The following KTN1 variants were observed in gnomAD, a reference collection of about 807,000 sequenced individuals.
KTN1 encodes kinectin 1.
Under a neutral mutation model 222.5 loss-of-function variants are expected in KTN1, and 130 were observed. The ratio of observed to expected loss-of-function variants is 0.58; its 90% CI spans 0.51 to 0.68. The LOEUF is 0.68. Among genes scored for constraint, KTN1 ranks in the 30% least tolerant of loss-of-function variants. KTN1 has a pLI of 0.00. For synonymous variants in KTN1, 512 were observed against 496.3 expected (o/e 1.03, Z -0.42); for missense variants, 1,508 against 1,500.4 (o/e 1.01, Z -0.08).
At chr14:55,588,683 T>C (rs1438849432) in intron 1 of KTN1, among the ~76,000 whole-genome samples, 2 of 152,228 alleles carry the variant, frequency 1.3e-5, no homozygotes, top group Non-Finnish European at 2.9e-5. Context: ...GTTAATTTTA[T>C]GCAGTTGTGA....
At chr14:55,612,631 A>G (rs2037756457) in intron 2 of KTN1, 60 bp downstream of exon 2, 1 of 1,364,778 alleles carries the variant, frequency 7.3e-7, no homozygotes, top group Admixed American at 2.4e-5. Context: ...TGGAATTGAG[A>G]TATTCTGTTA....
chr14:55,611,981 C>CA (rs561308316), intron 1 of KTN1, 38 bp from the exon 2 acceptor site: 18 of 768,924 alleles, frequency 2.3e-5, no homozygotes, highest in Non-Finnish European at 3.3e-5. Context: ...CTGACAGGTT[C>CA]TTTTTTTTTT....
intron 1 of KTN1, among the ~76,000 whole-genome samples, chr14:55,586,189 C>T (rs1400076259): frequency 2.0e-5 from 3 of 152,130 alleles, no homozygotes; most frequent in African/African-American, 7.2e-5. Flanking sequence ...TCTTTAATTA[C>T]ATAATGTTCT....
At chr14:55,664,714 C>T (rs1057269619) in intron 33 of KTN1, among the ~76,000 whole-genome samples, 1 of 152,048 alleles carries the variant, frequency 6.6e-6, no homozygotes, top group Non-Finnish European at 1.5e-5. Flanking sequence ...TCAAGTTGTA[C>T]CATTGGGTGT....
At position 55,640,979 on chromosome 14, in the gene KTN1, AGTATT is replaced by A; in HGVS notation, c.2021+13_2021+17del. On this transcript the variant is annotated intron_variant, in intron 16 of 43. Coordinates refer to ENST00000395314, the MANE Select transcript of KTN1 (RefSeq NM_001079521.2). The stretch of plus-strand genomic sequence containing the variant: ...GAGAAGATGCAACAAAGGTGACTAA[AGTATT>A]GTACATCTAGTCGTTCATACATTTA... 1 of 1,603,820 alleles carries A rather than the reference AGTATT, an allele frequency of 6.2e-7. No individual in the cohort carries two copies.
At chr14:55,632,471 T>G (rs2040638556) in intron 7 of KTN1, among the ~76,000 whole-genome samples, 1 of 152,198 alleles carries the variant, frequency 6.6e-6, no homozygotes, top group South Asian at 2.1e-4. Context: ...CTTTAGATTC[T>G]TTAATCCAAA....
chr14:55,606,616 T>C (rs1185264187), intron 1 of KTN1, among the ~76,000 whole-genome samples: 1 of 152,174 alleles, frequency 6.6e-6, no homozygotes, highest in African/African-American at 2.4e-5. Flanking sequence ...TAATTCAAAA[T>C]TGTTGTATTA....
intron 30 of KTN1, among the ~76,000 whole-genome samples, chr14:55,659,131 T>C (rs1291329047): frequency 6.6e-6 from 1 of 152,148 alleles, no homozygotes; most frequent in East Asian, 1.9e-4. Context: ...ATAGACTTGA[T>C]AGTATTTTGA....
rs1399666607 is a variant in KTN1, at chr14:55,669,833, T to C, written c.3268-896T>C. Among the ~76,000 whole-genome samples the C allele has an allele frequency of 2.0e-5, 3 of 152,118 alleles. No homozygotes were observed. In the East Asian group the frequency reaches 5.8e-4, roughly 29 times the overall value. Reference sequence around the variant, plus strand: ...CAGCATCTACTTTTGTTTTTTGTTATTTGATAGTTTCCAGAGAATCCTGAT... The same window carrying C: ...CAGCATCTACTTTTGTTTTTTGTTACTTGATAGTTTCCAGAGAATCCTGAT... On this transcript the variant is annotated intron_variant, in intron 34 of 43. Transcript: ENST00000395314.
intron 5 of KTN1, among the ~76,000 whole-genome samples, chr14:55,621,349 G>C (rs373555731): frequency 6.6e-6 from 1 of 152,052 alleles, no homozygotes; most frequent in Non-Finnish European, 1.5e-5. Context: ...ACATTTTCGG[G>C]TATCTTTACA....
chr14:55,644,104 G>A (rs1566783234), intron 18 of KTN1, among the ~76,000 whole-genome samples: 1 of 152,140 alleles, frequency 6.6e-6, no homozygotes, highest in African/African-American at 2.4e-5. Context: ...TGAGGTTTTG[G>A]TTATAGTTGA....
At chr14:55,663,835 C>T in intron 32 of KTN1, 120 bp from the exon 33 acceptor site, 3 of 618,498 alleles carry the variant, frequency 4.9e-6, no homozygotes, top group East Asian at 2.9e-5. Context: ...GCATATTTTC[C>T]CATTGAAATA....
At chr14:55,592,935 C>T (rs2034387394) in intron 1 of KTN1, among the ~76,000 whole-genome samples, 1 of 152,026 alleles carries the variant, frequency 6.6e-6, no homozygotes, top group Non-Finnish European at 1.5e-5. Context: ...TTTTGCTAGA[C>T]CTGTCTTGGA....
intron 1 of KTN1, among the ~76,000 whole-genome samples, chr14:55,588,206 TAAAG>T (rs1439994613): frequency 4.6e-5 from 7 of 152,144 alleles, no homozygotes; most frequent in African/African-American, 1.7e-4. Context: ...ATAATAAAGC[TAAAG>T]AAAAGAAAAT....
At chr14:55,592,367 A>G (rs1309054065) in intron 1 of KTN1, among the ~76,000 whole-genome samples, 3 of 152,236 alleles carry the variant, frequency 2.0e-5, no homozygotes, top group East Asian at 3.8e-4. Context: ...GCTTTGAAAT[A>G]ATACTTTGAC....
intron 8 of KTN1, among the ~76,000 whole-genome samples, 161 bp downstream of exon 8, chr14:55,633,502 A>G (rs2040762577): frequency 6.6e-6 from 1 of 151,818 alleles, no homozygotes; most frequent in Middle Eastern, 3.2e-3. Flanking sequence ...TGCTTTGTGA[A>G]GAACTTCTTC....
At chr14:55,626,918 C>A (rs1427795443) in intron 5 of KTN1, among the ~76,000 whole-genome samples, 2 of 151,496 alleles carry the variant, frequency 1.3e-5, no homozygotes, top group East Asian at 3.9e-4. Context: ...TTCCTGCTTG[C>A]AATCTTTGCA....
At chr14:55,675,022 GC>G in intron 40 of KTN1, 1 of 152,098 alleles carries the variant, frequency 6.6e-6, no homozygotes, top group East Asian at 1.9e-4. Flanking sequence ...ATTTCCCTCC[GC>G]CCCACTGCCA....
intron 41 of KTN1, 85 bp downstream of exon 41, chr14:55,676,003 G>A: frequency 2.3e-6 from 2 of 859,516 alleles, no homozygotes; most frequent in Non-Finnish European, 3.7e-6. Context: ...GCTAATTCTG[G>A]ATTTGTTGTT....
Sources: allele counts gnomAD v4.1 joint callset (sites outside exome capture counted in the v4.1 genomes callset), GRCh38; gene constraint gnomAD v4.1.1; transcripts MANE v1.5; gene names NCBI Gene and HGNC (gene_info 2026-07-23, HGNC 2026-07-21).